LINGO2: variants seen among roughly 807,000 people sequenced by gnomAD.
The protein encoded by LINGO2 is leucine rich repeat and Ig domain containing 2.
In LINGO2, 14 loss-of-function variants were observed where a neutral mutation model predicts 30.6. The observed-to-expected ratio is 0.46, with a 90% CI of 0.30 to 0.72. The LOEUF (loss-of-function observed/expected upper bound fraction) is 0.72, where lower values mean the gene tolerates loss of function less well. Ranked by LOEUF, LINGO2 falls within the 30% of genes least tolerant of loss-of-function variation. LINGO2 has a pLI of 0.07. For missense variants in LINGO2, 729 were observed against 751.7 expected, an observed-to-expected ratio of 0.97 and a Z score of 0.35; for synonymous variants, 317 against 288.5, an observed-to-expected ratio of 1.10 and a Z score of -1.00.
downstream of LINGO2, chr9:27,943,381 A>G (rs1823241449): frequency 6.6e-6 from 1 of 152,210 alleles, no homozygotes; most frequent in Admixed American, 6.5e-5. Flanking sequence ...TGCATATTAA[A>G]GGTAAAGTCT....
chr9:28,558,169 C>CA (rs11421322), intron 1 of LINGO2, among the ~76,000 whole-genome samples: 21,999 of 139,298 alleles, frequency 0.16, 2,028 homozygotes, highest in African/African-American at 0.27. Flanking sequence ...AGAATAAAAC[C>CA]AAAAAAAAAA....
chr9:28,327,800 C>A (rs79698865), intron 3 of LINGO2, among the ~76,000 whole-genome samples: 4,946 of 152,018 alleles, frequency 0.033, 161 homozygotes, highest in South Asian at 0.094. Context: ...ATGTGAAAAT[C>A]ACTCATCAAT....
chr9:28,080,649 T>A (rs1447711937), intron 4 of LINGO2: 1 of 152,312 alleles, frequency 6.6e-6, no homozygotes, highest in Admixed American at 6.5e-5. Context: ...TCACAAGGTG[T>A]AGACAGAATA....
chr9:29,109,791 G>T, the LINGO2 span, among the ~76,000 whole-genome samples: 1 of 152,184 alleles, frequency 6.6e-6, no homozygotes, highest in East Asian at 1.9e-4. Context: ...CTAAGTTGGT[G>T]ATTTTTAAAG....
intron 4 of LINGO2, among the ~76,000 whole-genome samples, chr9:28,277,546 G>A (rs576595664): frequency 2.6e-5 from 4 of 152,116 alleles, no homozygotes; most frequent in Non-Finnish European, 4.4e-5. Context: ...GCTCATGACT[G>A]TAATCCCAGC....
At chr9:28,549,063 A>C (rs886634582) in intron 1 of LINGO2, among the ~76,000 whole-genome samples, 1 of 152,062 alleles carries the variant, frequency 6.6e-6, no homozygotes, top group African/African-American at 2.4e-5. Context: ...GTTCTTTCAG[A>C]TATTATTTTT....
chr9:28,098,348 A>C (rs1427638206), intron 4 of LINGO2, among the ~76,000 whole-genome samples: 1 of 152,080 alleles, frequency 6.6e-6, no homozygotes, highest in Middle Eastern at 3.2e-3. Flanking sequence ...ACTCTATACC[A>C]AAAACCATTG....
At chr9:28,009,260 G>C (rs1391477600) in intron 5 of LINGO2, among the ~76,000 whole-genome samples, 1 of 150,494 alleles carries the variant, frequency 6.6e-6, no homozygotes, top group Non-Finnish European at 1.5e-5. Context: ...ATGAGTCATA[G>C]ACAAACTATG....
intron 4 of LINGO2, among the ~76,000 whole-genome samples, chr9:28,085,984 G>A (rs1273693639): frequency 1.3e-5 from 2 of 151,956 alleles, no homozygotes; most frequent in African/African-American, 2.4e-5. Flanking sequence ...ATGTGCATGG[G>A]TAGTATGTTT....
chr9:28,221,108 G>A (rs972725503), intron 4 of LINGO2, among the ~76,000 whole-genome samples: 28 of 151,996 alleles, frequency 1.8e-4, no homozygotes, highest in Middle Eastern at 3.4e-3. Context: ...AACCATCCTC[G>A]CTAACACGGT....
At chr9:28,988,020 C>G in the LINGO2 span, among the ~76,000 whole-genome samples, 2 of 152,142 alleles carry the variant, frequency 1.3e-5, no homozygotes, top group Non-Finnish European at 2.9e-5. Context: ...GTTGGATGAA[C>G]TGTTTTATGC....
At chr9:28,044,288 G>T (rs544771701) in intron 4 of LINGO2, among the ~76,000 whole-genome samples, 21 of 152,280 alleles carry the variant, frequency 1.4e-4, no homozygotes, top group African/African-American at 4.8e-4. Flanking sequence ...TATAACACCA[G>T]AGCATAAATG....
intron 5 of LINGO2, among the ~76,000 whole-genome samples, chr9:27,971,563 A>G (rs961045771): frequency 6.6e-6 from 1 of 151,684 alleles, no homozygotes; most frequent in African/African-American, 2.4e-5. Flanking sequence ...TTTTTCTTGT[A>G]TGTTTAGTAG....
intron 1 of LINGO2, among the ~76,000 whole-genome samples, chr9:28,591,074 C>T (rs944455288): frequency 3.3e-5 from 5 of 151,780 alleles, no homozygotes; most frequent in South Asian, 2.1e-4. Context: ...AACCAAACAC[C>T]GCATGTTCTC....
chr9:28,500,732 G>T (rs542746951), intron 1 of LINGO2, among the ~76,000 whole-genome samples: 2 of 152,116 alleles, frequency 1.3e-5, no homozygotes, highest in South Asian at 4.1e-4. Context: ...AATTAAAAAA[G>T]ATATACAGTA....
intron 4 of LINGO2, among the ~76,000 whole-genome samples, chr9:28,270,437 G>T (rs17836460): frequency 6.6e-6 from 1 of 151,900 alleles, no homozygotes; most frequent in African/African-American, 2.4e-5. Context: ...AAGCCACCAG[G>T]AGAGCTATAC....
chr9:28,383,801 A>C (rs902908648), intron 2 of LINGO2, among the ~76,000 whole-genome samples: 3 of 146,738 alleles, frequency 2.0e-5, no homozygotes, highest in Non-Finnish European at 2.9e-5. Context: ...TTAATTAAAC[A>C]GAGATTTTAA....
chr9:28,077,881 C>G lies in LINGO2; in HGVS notation c.-86-65476G>C, dbSNP rs1825671042. Among the ~76,000 whole-genome samples the G allele has an allele frequency of 2.0e-5, 3 of 148,800 alleles. 1 individual carries two copies. Among genetic ancestry groups the G allele is most frequent in the African/African-American group, 7.8e-5 (3 of 38,268 alleles). ...TCATGCTCAATTTTCAGTTACTTGT[C>G]TTTGTGAAAATGAACCTACTCTACT... On this transcript the variant is annotated intron_variant, in intron 4 of 5. Transcript: ENST00000379992.
At chr9:28,110,310 A>G (rs1331726112) in intron 4 of LINGO2, among the ~76,000 whole-genome samples, 1 of 152,166 alleles carries the variant, frequency 6.6e-6, no homozygotes, top group Non-Finnish European at 1.5e-5. Context: ...AAACTTAGCA[A>G]TACCATTCAG....
Sources: gnomAD v4.1 joint callset for allele counts (sites outside exome capture counted in the v4.1 genomes callset) on GRCh38, gnomAD v4.1.1 for gene constraint, MANE v1.5 for transcripts, NCBI Gene and HGNC (gene_info 2026-07-23, HGNC 2026-07-21) for gene names.